UGT1A8: variants seen among roughly 807,000 people sequenced by gnomAD.
UGT1A8 encodes UDP-glucuronosyltransferase 1A8.
A neutral mutation model predicts 45.3 loss-of-function variants in UGT1A8; 39 were observed. That is an observed-to-expected ratio of 0.86 (90% CI 0.67 to 1.12). The LOEUF (loss-of-function observed/expected upper bound fraction) is 1.12. UGT1A8 is among the 50% of genes most tolerant of loss of function. The probability of loss-of-function intolerance (pLI) is 0.00; values close to 1 mark genes in which losing one functional copy is unlikely to be tolerated. For synonymous variants in UGT1A8, 275 were observed against 249.2 expected (o/e 1.10, Z -0.97); for missense variants, 719 against 664.9 (o/e 1.08, Z -0.90).
At position 233,713,313 on chromosome 2, in the gene UGT1A8, A is replaced by T. The variant is rs766255913; in HGVS notation, c.856-53721A>T. On this transcript the variant is annotated intron_variant, in intron 1 of 4. Transcript: ENST00000373450. ...GTTCTTTGAAACAGAACATCTTCTG[A>T]TGAAATTTTCTAGAAGAATGGCAAT... is the stretch of plus-strand genomic sequence containing the variant. 7 of 1,614,222 alleles carry T rather than the reference A, an allele frequency of 4.3e-6. No homozygotes were observed. The Admixed American group carries it at 1.0e-4, about 23-fold the overall frequency.
intron 1 of UGT1A8, chr2:233,730,016 A>G (rs763607059): frequency 4.4e-5 from 71 of 1,613,718 alleles, no homozygotes; most frequent in Non-Finnish European, 5.8e-5. Flanking sequence ...GCCTTCATCC[A>G]ATCAATGTTC....
intron 1 of UGT1A8, among the ~76,000 whole-genome samples, chr2:233,674,757 C>G (rs1221970573): frequency 6.6e-6 from 1 of 152,126 alleles, no homozygotes; most frequent in East Asian, 1.9e-4. Context: ...GTATTTATGA[C>G]TATACGTGTA....
intron 1 of UGT1A8, among the ~76,000 whole-genome samples, chr2:233,762,527 A>C (rs1575790124): frequency 4.6e-5 from 7 of 152,228 alleles, no homozygotes; most frequent in Admixed American, 3.9e-4. Context: ...ATTTCATGGT[A>C]CTTGTGTACC....
At chr2:233,741,279 G>A (rs1389443810) in intron 1 of UGT1A8, among the ~76,000 whole-genome samples, 1 of 151,738 alleles carries the variant, frequency 6.6e-6, no homozygotes, top group Non-Finnish European at 1.5e-5. Flanking sequence ...TGAACAATGG[G>A]ATTTATGTAC....
intron 1 of UGT1A8, among the ~76,000 whole-genome samples, chr2:233,734,727 CG>C (rs2078556253): frequency 6.6e-6 from 1 of 150,514 alleles, no homozygotes; most frequent in East Asian, 2.0e-4. Context: ...TTGTTCTCGT[CG>C]GTTTCAAAGA....
At chr2:233,667,844 A>G (rs2074109312) in intron 1 of UGT1A8, among the ~76,000 whole-genome samples, 1 of 152,250 alleles carries the variant, frequency 6.6e-6, no homozygotes, top group South Asian at 2.1e-4. Flanking sequence ...ACCATCTCAC[A>G]CAAGTTAGAA....
chr2:233,621,831 T>C (rs1351666294), intron 1 of UGT1A8, among the ~76,000 whole-genome samples: 1 of 152,140 alleles, frequency 6.6e-6, no homozygotes, highest in East Asian at 1.9e-4. Context: ...GCTGCACCCA[T>C]CAACTGATCA....
intron 1 of UGT1A8, among the ~76,000 whole-genome samples, chr2:233,731,109 T>G (rs1417583719): frequency 6.6e-6 from 1 of 152,194 alleles, no homozygotes; most frequent in Non-Finnish European, 1.5e-5. Flanking sequence ...TTTTTATAAA[T>G]GTAGGTATTA....
At chr2:233,640,856 G>C (rs2073432746) in intron 1 of UGT1A8, among the ~76,000 whole-genome samples, 1 of 152,124 alleles carries the variant, frequency 6.6e-6, no homozygotes, top group Non-Finnish European at 1.5e-5. Context: ...TGTCAGGGGG[G>C]AAATGTGGAG....
intron 1 of UGT1A8, chr2:233,760,364 A>G (rs1697418455): frequency 1.9e-6 from 3 of 1,614,036 alleles, no homozygotes; most frequent in Non-Finnish European, 2.5e-6. Flanking sequence ...GTGGTGTCCC[A>G]TGCTGGGAAG....
chr2:233,729,418 C>CG, intron 1 of UGT1A8: 1 of 1,613,756 alleles, frequency 6.2e-7, no homozygotes, highest in South Asian at 1.1e-5. Flanking sequence ...GGGCCACACT[C>CG]AACTGTACTT....
chr2:233,747,014 C>A (rs774665109), intron 1 of UGT1A8, among the ~76,000 whole-genome samples: 1 of 151,838 alleles, frequency 6.6e-6, no homozygotes, highest in Non-Finnish European at 1.5e-5. Context: ...TAGGAGTGAT[C>A]GGTCTTTCCC....
rs1319041279 is a variant in UGT1A8 at position 233,750,932 on chromosome 2, G to C, written c.856-16102G>C. Among the ~76,000 whole-genome samples the C allele has an allele frequency of 2.6e-5, 4 of 151,980 alleles. No homozygotes were observed. The East Asian group carries it at 7.7e-4, about 29-fold the overall frequency. ...AAGGGTGGTAAAGAAATGTGAGGTT[G>C]GAGCCCCCACACAGAGTCTCCACTG... On this transcript the variant is annotated intron_variant, in intron 1 of 4. Coordinates refer to ENST00000373450, the MANE Select transcript of UGT1A8 (RefSeq NM_019076.5).
chr2:233,682,717 G>C lies in UGT1A8; in HGVS notation c.855+64155G>C, dbSNP rs554895983. ...TGTTGCGAACTGACTTTGTTTTGGA[G>C]TATCCCAAACCCGTGATGCCCAATA... On this transcript the variant is annotated intron_variant, in intron 1 of 4. Transcript: ENST00000373450. 47 of 1,613,854 alleles carry C rather than the reference G, an allele frequency of 2.9e-5. No individual in the cohort carries two copies. The highest frequency in any genetic ancestry group is 1.7e-4 in the Middle Eastern group (1 of 6,054).
At chr2:233,727,134 A>G (rs920073471) in intron 1 of UGT1A8, among the ~76,000 whole-genome samples, 2 of 152,208 alleles carry the variant, frequency 1.3e-5, no homozygotes, top group Non-Finnish European at 2.9e-5. Flanking sequence ...AGAGGGGAAC[A>G]AGACCACACA....
intron 1 of UGT1A8, chr2:233,648,700 G>C: frequency 2.5e-6 from 1 of 395,432 alleles, no homozygotes; most frequent in South Asian, 2.5e-5. Flanking sequence ...TCCTAACCTC[G>C]TGATCCGCCC....
At chr2:233,679,338 G>A (rs2074449375) in intron 1 of UGT1A8, among the ~76,000 whole-genome samples, 2 of 152,172 alleles carry the variant, frequency 1.3e-5, no homozygotes, top group South Asian at 4.1e-4. Context: ...TTATTGTTGA[G>A]TCCTTCTTTT....
intron 1 of UGT1A8, chr2:233,748,175 C>G: frequency 6.3e-7 from 1 of 1,584,336 alleles, no homozygotes; most frequent in South Asian, 1.2e-5. Context: ...ACTTATCTTT[C>G]TGGTGCTTTT....
chr2:233,697,078 T>C (rs1342643335), intron 1 of UGT1A8, among the ~76,000 whole-genome samples: 2 of 152,118 alleles, frequency 1.3e-5, no homozygotes, highest in African/African-American at 4.8e-5. Flanking sequence ...GGTATCAGGG[T>C]AACACTGGTC....
Sources: gnomAD v4.1 joint callset for allele counts (sites outside exome capture counted in the v4.1 genomes callset) on GRCh38, gnomAD v4.1.1 for gene constraint, MANE v1.5 for transcripts, NCBI Gene and HGNC (gene_info 2026-07-23, HGNC 2026-07-21) for gene names.